The following GRIP1 variants were observed in gnomAD, a reference collection of about 807,000 sequenced individuals.
The protein encoded by GRIP1 is glutamate receptor interacting protein 1.
Under a neutral mutation model 129.9 loss-of-function variants are expected in GRIP1, and 45 were observed. The observed-to-expected ratio is 0.35, with a 90% CI of 0.27 to 0.44. The LOEUF (loss-of-function observed/expected upper bound fraction) is 0.44. Among genes scored for constraint, GRIP1 ranks in the 20% least tolerant of loss-of-function variants. GRIP1 has a pLI of 1.00. For missense variants in GRIP1, 1,196 were observed against 1,396.8 expected (o/e 0.86, Z 2.29); for synonymous variants, 530 against 520.8 (o/e 1.02, Z -0.24).
At chr12:66,470,974 G>A (rs1345022507) in intron 7 of GRIP1, among the ~76,000 whole-genome samples, 1 of 152,182 alleles carries the variant, frequency 6.6e-6, no homozygotes. Context: ...GAACCCACAA[G>A]GACGAAGTCG....
At chr12:66,993,734 T>C (rs2042427112) in intron 1 of GRIP1, among the ~76,000 whole-genome samples, 1 of 143,188 alleles carries the variant, frequency 7.0e-6, no homozygotes, top group Admixed American at 7.5e-5. Context: ...GAGGTTGCAG[T>C]GAGCCGAGAT....
intron 17 of GRIP1, 65 bp downstream of exon 17, chr12:66,394,143 T>C: frequency 7.1e-7 from 1 of 1,417,038 alleles, no homozygotes; most frequent in Admixed American, 1.7e-5. Context: ...CATGTTTTTA[T>C]GTGGTTGTGA....
intron 7 of GRIP1, among the ~76,000 whole-genome samples, chr12:66,491,672 A>G (rs2060107612): frequency 6.6e-6 from 1 of 152,226 alleles, no homozygotes. Flanking sequence ...AGGGGGCATA[A>G]TTCTTTGAGG....
chr12:66,771,692 C>T (rs1290699316), intron 1 of GRIP1, among the ~76,000 whole-genome samples: 2 of 152,184 alleles, frequency 1.3e-5, no homozygotes, highest in Non-Finnish European at 2.9e-5. Flanking sequence ...CCTACTGGGT[C>T]CCACCCCAAG....
chr12:66,859,409 C>G (rs1390914032), intron 1 of GRIP1, among the ~76,000 whole-genome samples: 2 of 151,810 alleles, frequency 1.3e-5, no homozygotes, highest in Non-Finnish European at 2.9e-5. Flanking sequence ...TTTTTGCCAA[C>G]TGCACATGAT....
intron 14 of GRIP1, among the ~76,000 whole-genome samples, chr12:66,421,067 A>G (rs976381475): frequency 1.3e-5 from 2 of 152,206 alleles, no homozygotes; most frequent in African/African-American, 2.4e-5. Context: ...TTAATAAGCA[A>G]TTCTCAAGAG....
intron 1 of GRIP1, among the ~76,000 whole-genome samples, chr12:66,728,875 C>T (rs974163220): frequency 2.0e-5 from 3 of 152,104 alleles, no homozygotes; most frequent in Non-Finnish European, 2.9e-5. Flanking sequence ...ATACATAAAA[C>T]TAAGGTGATG....
chr12:66,574,861 G>A (rs55952241), intron 2 of GRIP1, among the ~76,000 whole-genome samples: 36,026 of 149,304 alleles, frequency 0.24, 4,526 homozygotes, highest in Admixed American at 0.27. Context: ...TCTCAGCTCC[G>A]CCTTCTGGAT....
intron 1 of GRIP1, among the ~76,000 whole-genome samples, chr12:67,047,213 C>T (rs2043267251): frequency 6.6e-6 from 1 of 152,082 alleles, no homozygotes; most frequent in South Asian, 2.1e-4. Flanking sequence ...ATATAAGTTC[C>T]AATTTTCCTA....
intron 2 of GRIP1, among the ~76,000 whole-genome samples, chr12:66,587,142 T>C (rs2063670741): frequency 6.6e-6 from 1 of 152,232 alleles, no homozygotes; most frequent in South Asian, 2.1e-4. Context: ...TTTTCTTGTT[T>C]CTTTTCACTT....
intron 1 of GRIP1, among the ~76,000 whole-genome samples, chr12:66,774,602 T>C (rs1040871976): frequency 2.0e-5 from 3 of 152,186 alleles, no homozygotes; most frequent in Non-Finnish European, 2.9e-5. Flanking sequence ...GAAAAAACTT[T>C]GGAGATTTCT....
chr12:66,495,860 C>T (rs767981810), intron 7 of GRIP1, among the ~76,000 whole-genome samples: 2 of 152,204 alleles, frequency 1.3e-5, no homozygotes, highest in Non-Finnish European at 2.9e-5. Flanking sequence ...TTACACAAAG[C>T]CGTTCCCGGC....
chr12:66,973,041 A>G (rs866477400), intron 1 of GRIP1, among the ~76,000 whole-genome samples: 1 of 152,192 alleles, frequency 6.6e-6, no homozygotes, highest in African/African-American at 2.4e-5. Flanking sequence ...AGCAGACCTT[A>G]GGAACCCTAG....
At chr12:66,797,119 G>A (rs539147015) in intron 1 of GRIP1, among the ~76,000 whole-genome samples, 7 of 152,224 alleles carry the variant, frequency 4.6e-5, no homozygotes, top group African/African-American at 1.2e-4. Flanking sequence ...ATTTTAAAAA[G>A]CAGATTAAAA....
intron 1 of GRIP1, among the ~76,000 whole-genome samples, chr12:67,050,255 T>C (rs2043321470): frequency 6.6e-6 from 1 of 152,204 alleles, no homozygotes; most frequent in Non-Finnish European, 1.5e-5. Flanking sequence ...TTTTATAACA[T>C]GCTCAGAAAT....
chr12:66,872,146 A>C (rs953218160), intron 1 of GRIP1, among the ~76,000 whole-genome samples: 30 of 152,110 alleles, frequency 2.0e-4, no homozygotes, highest in African/African-American at 7.0e-4. Flanking sequence ...GGATACATGC[A>C]CCTGCAGGAG....
chr12:66,916,068 G>A (rs1053046369), intron 1 of GRIP1, among the ~76,000 whole-genome samples: 1 of 152,142 alleles, frequency 6.6e-6, no homozygotes, highest in African/African-American at 2.4e-5. Context: ...CGCATGTGTG[G>A]GCACACACAG....
chr12:66,917,229 T>G (rs1177162649), intron 1 of GRIP1, among the ~76,000 whole-genome samples: 2 of 152,220 alleles, frequency 1.3e-5, no homozygotes, highest in Admixed American at 1.3e-4. Flanking sequence ...AGCCCTAATT[T>G]AAAATACATT....
At position 66,939,862 on chromosome 12, in the gene GRIP1, C is replaced by T. The variant is rs1031181327; in HGVS notation, c.58+129188G>A. 3.3e-5 allele frequency among the ~76,000 whole-genome samples: 5 copies of T among 152,028 alleles called. 1 individual carries two copies. In the South Asian group the frequency reaches 6.2e-4, roughly 19 times the overall value. On this transcript the variant is annotated intron_variant, in intron 1 of 1. Transcript: ENST00000643019. ...CATTCTCCAATGTTATTTTTAGATGCCTTTATATAAAACAAAATGTGCATA... is the reference window on the plus strand; with the variant it reads ...CATTCTCCAATGTTATTTTTAGATGTCTTTATATAAAACAAAATGTGCATA...
Sources: allele counts gnomAD v4.1 joint callset (sites outside exome capture counted in the v4.1 genomes callset), GRCh38; gene constraint gnomAD v4.1.1; transcripts MANE v1.5; gene names NCBI Gene and HGNC (gene_info 2026-07-23, HGNC 2026-07-21).